Variants in ADK observed in about 807,000 individuals in gnomAD.
ADK encodes the protein N6,N6-dimethyladenosine kinase.
Under a neutral mutation model 44.7 loss-of-function variants are expected in ADK, and 24 were observed. That is an observed-to-expected ratio of 0.54 (90% CI 0.39 to 0.76). ADK has a LOEUF of 0.76. Among genes scored for constraint, ADK ranks in the 30% least tolerant of loss-of-function variants. The pLI is 0.00. For missense variants in ADK, 321 were observed against 425.1 expected (o/e 0.76, Z 2.15); for synonymous variants, 128 against 142.6 (o/e 0.90, Z 0.73).
At chr10:74,204,617 T>G (rs960332030) in intron 2 of ADK, among the ~76,000 whole-genome samples, 1 of 152,234 alleles carries the variant, frequency 6.6e-6, no homozygotes, top group Non-Finnish European at 1.5e-5. Flanking sequence ...GACATTCAGA[T>G]AGAAACTTTA....
In ADK at chr10:74,259,663, T is replaced by A. The variant is rs188954010; in HGVS notation, c.194+35072T>A. On this transcript the variant is annotated intron_variant, in intron 3 of 10. Coordinates refer to ENST00000539909, the MANE Select transcript of ADK (RefSeq NM_006721.4). ...TAGTAGAGACGGGGTTTCACCATGT[T>A]AGCCAGGATGGTCTCGATCTCCTGA... Among the ~76,000 whole-genome samples, 353 of 152,034 alleles carry A rather than the reference T, an allele frequency of 2.3e-3. 3 individuals are homozygous for A. Among genetic ancestry groups the A allele is most frequent in the African/African-American group, 7.8e-3 (323 of 41,472 alleles).
intron 7 of ADK, among the ~76,000 whole-genome samples, chr10:74,542,097 T>G (rs1849661140): frequency 6.6e-6 from 1 of 151,112 alleles, no homozygotes. Flanking sequence ...AAAAATTAGC[T>G]GGGCATAGTG....
chr10:74,246,436 G>C (rs1845417817), intron 3 of ADK, among the ~76,000 whole-genome samples: 1 of 152,136 alleles, frequency 6.6e-6, no homozygotes, highest in African/African-American at 2.4e-5. Context: ...GCAGATGGTT[G>C]GTTTTATAGA....
intron 4 of ADK, among the ~76,000 whole-genome samples, chr10:74,362,816 G>A (rs972420757): frequency 1.2e-4 from 19 of 152,196 alleles, no homozygotes; most frequent in African/African-American, 4.3e-4. Flanking sequence ...TCCTGCAAGG[G>A]CACCAAGGTT....
chr10:74,677,965 C>CAAAAAAAAAAAAAAAA (rs3037448), intron 10 of ADK, among the ~76,000 whole-genome samples: 1 of 43,058 alleles, frequency 2.3e-5, no homozygotes, highest in Admixed American at 4.2e-4. Flanking sequence ...CCAGTCTCTA[C>CAAAAAAAAAAAAAAAA]AAAAAAAAAA....
intron 3 of ADK, among the ~76,000 whole-genome samples, chr10:74,293,389 C>T (rs1251684838): frequency 6.6e-6 from 1 of 151,920 alleles, no homozygotes; most frequent in East Asian, 1.9e-4. Context: ...CTGAGTTGTT[C>T]AAAATTAGGG....
At chr10:74,294,125 G>A (rs1252981046) in intron 3 of ADK, among the ~76,000 whole-genome samples, 2 of 151,836 alleles carry the variant, frequency 1.3e-5, no homozygotes, top group Admixed American at 1.3e-4. Flanking sequence ...TCTTTTCCAT[G>A]TCCTATTCCA....
intron 6 of ADK, among the ~76,000 whole-genome samples, chr10:74,478,065 T>C (rs1261620410): frequency 6.6e-6 from 1 of 152,206 alleles, no homozygotes; most frequent in Non-Finnish European, 1.5e-5. Context: ...TCTTTTATTA[T>C]AGGGTTTTTT....
At chr10:74,537,150 G>A (rs554772492) in intron 7 of ADK, among the ~76,000 whole-genome samples, 53 of 152,262 alleles carry the variant, frequency 3.5e-4, no homozygotes, top group Admixed American at 7.8e-4. Context: ...TGCTGGGCAC[G>A]AGGTGGCATC....
At chr10:74,544,792 G>A (rs777444894) in intron 7 of ADK, among the ~76,000 whole-genome samples, 36 of 152,086 alleles carry the variant, frequency 2.4e-4, no homozygotes, top group Non-Finnish European at 3.8e-4. Context: ...AACCCGGGAG[G>A]TGGAGGTTGC....
intron 6 of ADK, among the ~76,000 whole-genome samples, chr10:74,429,726 C>T (rs1373481155): frequency 1.3e-5 from 2 of 152,258 alleles, no homozygotes; most frequent in South Asian, 4.1e-4. Context: ...GTGATACTCT[C>T]AAACTTGGAT....
At chr10:74,195,110 G>C (rs1481119885) in intron 1 of ADK, among the ~76,000 whole-genome samples, 1 of 148,752 alleles carries the variant, frequency 6.7e-6, no homozygotes, top group African/African-American at 2.5e-5. Flanking sequence ...AGATTGTTCA[G>C]AATCTCTCAT....
chr10:74,595,526 G>A lies in ADK; in HGVS notation c.763-4853G>A, dbSNP rs527838503. ...CGAGTAGCTGGGACTACAGGCCCCC[G>A]CCACCACATCCGGCTAATTTTTTGT... On this transcript the variant is annotated intron_variant, in intron 8 of 10. Transcript: ENST00000539909. Among the ~76,000 whole-genome samples the A allele has an allele frequency of 4.4e-3, 657 of 149,798 alleles. 6 individuals carry two copies. The highest frequency in any genetic ancestry group is 0.031 in the Middle Eastern group (9 of 294).
chr10:74,208,003 T>C lies in ADK; in HGVS notation c.140+7165T>C, dbSNP rs553838712. 2.6e-5 allele frequency among the ~76,000 whole-genome samples: 4 copies of C among 152,036 alleles called. No homozygotes were observed. In the South Asian group the frequency reaches 8.3e-4, roughly 31 times the overall value. On this transcript the variant is annotated intron_variant, in intron 2 of 10. Coordinates refer to ENST00000539909, the MANE Select transcript of ADK (RefSeq NM_006721.4). ...TCTGCACCTAAAGTCCAGAGGGGGCTGAGGGGGCAGGGGGCTGGTATGTCA... is the reference window on the plus strand; with the variant it reads ...TCTGCACCTAAAGTCCAGAGGGGGCCGAGGGGGCAGGGGGCTGGTATGTCA...
intron 3 of ADK, among the ~76,000 whole-genome samples, chr10:74,310,968 T>G (rs181938675): frequency 6.6e-6 from 1 of 152,306 alleles, no homozygotes; most frequent in Admixed American, 6.5e-5. Flanking sequence ...TATGGTTCTT[T>G]AAAAATAATT....
intron 6 of ADK, among the ~76,000 whole-genome samples, chr10:74,505,485 T>C (rs2133472652): frequency 6.6e-6 from 1 of 151,688 alleles, no homozygotes; most frequent in Admixed American, 6.6e-5. Context: ...TACTCCAAGA[T>C]CCGTATCTTG....
At chr10:74,291,193 G>A (rs1295924018) in intron 3 of ADK, among the ~76,000 whole-genome samples, 1 of 152,146 alleles carries the variant, frequency 6.6e-6, no homozygotes, top group Non-Finnish European at 1.5e-5. Flanking sequence ...GAGGTGGGCG[G>A]ATCACGAGGT....
At chr10:74,197,481 T>C (rs1465441191) in intron 1 of ADK, among the ~76,000 whole-genome samples, 2 of 151,980 alleles carry the variant, frequency 1.3e-5, no homozygotes, top group African/African-American at 2.4e-5. Flanking sequence ...GGGTGGATCA[T>C]TTGAAGCCAG....
intron 4 of ADK, among the ~76,000 whole-genome samples, chr10:74,338,495 GCCTCAAA>G (rs1317244772): frequency 3.9e-5 from 6 of 152,196 alleles, no homozygotes; most frequent in Admixed American, 3.3e-4. Flanking sequence ...ATTTGTAATT[GCCTCAAA>G]CTGGAAAGAA....
Sources: gnomAD v4.1 joint callset for allele counts (sites outside exome capture counted in the v4.1 genomes callset) on GRCh38, gnomAD v4.1.1 for gene constraint, MANE v1.5 for transcripts, NCBI Gene and HGNC (gene_info 2026-07-23, HGNC 2026-07-21) for gene names.